The following TMEM233 variants were observed in gnomAD, a reference collection of about 807,000 sequenced individuals.
TMEM233 encodes dispanin subfamily B member 2.
Under a neutral mutation model 11.2 loss-of-function variants are expected in TMEM233, and 6 were observed. That is an observed-to-expected ratio of 0.54 (90% confidence interval 0.29 to 1.06). TMEM233 has a LOEUF of 1.06. Ranked by LOEUF, TMEM233 falls within the 50% of genes least tolerant of loss-of-function variation. The probability of loss-of-function intolerance (pLI) is 0.08; values close to 1 mark genes in which losing one functional copy is unlikely to be tolerated. For missense variants in TMEM233, 127 were observed against 144.7 expected (o/e 0.88, Z 0.63); for synonymous variants, 59 against 55.8 (o/e 1.06, Z -0.26).
intron 1 of TMEM233, among the ~76,000 whole-genome samples, chr12:119,622,846 A>G (rs1421913283): frequency 6.6e-6 from 1 of 152,190 alleles, no homozygotes; most frequent in East Asian, 1.9e-4. Flanking sequence ...AGGAGCTTCC[A>G]CACTTAATAC....
At chr12:119,640,614 A>T in intron 2 of TMEM233, 85 bp from the exon 3 acceptor site, 2 of 1,449,738 alleles carry the variant, frequency 1.4e-6, no homozygotes, top group Non-Finnish European at 9.4e-7. Flanking sequence ...TCATCATCAA[A>T]TAAGGAAGGC....
At chr12:119,604,235 T>C (rs1304644650) in intron 1 of TMEM233, among the ~76,000 whole-genome samples, 1 of 152,222 alleles carries the variant, frequency 6.6e-6, no homozygotes, top group Non-Finnish European at 1.5e-5. Context: ...TGTGTGGTGA[T>C]AACAAATTTT....
chr12:119,608,577 C>T (rs1437050608), intron 1 of TMEM233, among the ~76,000 whole-genome samples: 1 of 152,196 alleles, frequency 6.6e-6, no homozygotes, highest in African/African-American at 2.4e-5. Context: ...CAATCTCTAG[C>T]CCCTGCCGCC....
chr12:119,616,976 C>A (rs2393524), intron 1 of TMEM233, among the ~76,000 whole-genome samples: 54,665 of 152,056 alleles, frequency 0.36, 10,652 homozygotes, highest in African/African-American at 0.47. Context: ...GTCAATTAAA[C>A]CTCTTTCCTT....
chr12:119,599,040 A>T (rs1322274321), intron 1 of TMEM233, among the ~76,000 whole-genome samples: 1 of 152,230 alleles, frequency 6.6e-6, no homozygotes, highest in African/African-American at 2.4e-5. Flanking sequence ...TAAAACAATG[A>T]TCAGTAGTAG....
chr12:119,626,510 A>AG lies in TMEM233; in HGVS notation c.187-3224dup. On this transcript the variant is annotated intron_variant, in intron 1 of 2. Coordinates refer to ENST00000426426, the MANE Select transcript of TMEM233 (RefSeq NM_001136534.3). ...AAGAAGAAAAAGGAGGAGGAGGAGG[A>AG]GGAGGAGGAGAAGGGAGAAGGGAGA... Among the ~76,000 whole-genome samples, 2 of 73,098 alleles carry AG rather than the reference A, an allele frequency of 2.7e-5. 1 individual carries two copies. Among genetic ancestry groups the AG allele is most frequent in the Admixed American group, 2.7e-4 (2 of 7,300 alleles). The allele number at this position is 73,098 out of a possible 152,430, so 48.0% of individuals were successfully genotyped here.
chr12:119,611,273 C>A (rs1201536028), intron 1 of TMEM233, among the ~76,000 whole-genome samples: 1 of 152,148 alleles, frequency 6.6e-6, no homozygotes, highest in African/African-American at 2.4e-5. Context: ...AAAGCACCCA[C>A]ACAATTTTGC....
At chr12:119,615,195 A>C (rs1289914470) in intron 1 of TMEM233, among the ~76,000 whole-genome samples, 15 of 148,746 alleles carry the variant, frequency 1.0e-4, no homozygotes, top group Non-Finnish European at 1.9e-4. Context: ...AAAAAAAAAA[A>C]AAAAAAAAAA....
At chr12:119,649,234 G>A in the TMEM233 span, among the ~76,000 whole-genome samples, 3 of 152,054 alleles carry the variant, frequency 2.0e-5, no homozygotes, top group Non-Finnish European at 4.4e-5. Context: ...GGTGGCGGAG[G>A]TTGCAGTGAG....
chr12:119,596,068 G>A (rs915317605), intron 1 of TMEM233, among the ~76,000 whole-genome samples: 4 of 152,106 alleles, frequency 2.6e-5, no homozygotes, highest in South Asian at 2.1e-4. Flanking sequence ...GGAAGCCGTC[G>A]CATCCGGTTC....
intron 1 of TMEM233, among the ~76,000 whole-genome samples, chr12:119,627,196 A>T (rs1954782836): frequency 1.3e-5 from 2 of 152,192 alleles, no homozygotes; most frequent in African/African-American, 4.8e-5. Context: ...GACCTCATGG[A>T]TTGACCTTCT....
intron 1 of TMEM233, among the ~76,000 whole-genome samples, chr12:119,607,813 T>C (rs924024660): frequency 4.6e-5 from 7 of 151,966 alleles, no homozygotes; most frequent in East Asian, 3.9e-4. Flanking sequence ...TCCAAACTCC[T>C]GAGCTCAGGA....
chr12:119,629,101 G>A (rs937855015), intron 1 of TMEM233, among the ~76,000 whole-genome samples: 3 of 152,282 alleles, frequency 2.0e-5, no homozygotes, highest in Middle Eastern at 3.4e-3. Flanking sequence ...TATTGCACTG[G>A]ACACTGGTAT....
intron 2 of TMEM233, among the ~76,000 whole-genome samples, chr12:119,639,074 C>T (rs774248944): frequency 6.6e-5 from 10 of 152,082 alleles, no homozygotes; most frequent in Non-Finnish European, 1.2e-4. Context: ...GGCCTCTGCA[C>T]TTGCCGTTCC....
At position 119,594,326 on chromosome 12, in the gene TMEM233, G is replaced by C; in HGVS notation, c.186+292G>C. On this transcript the variant is annotated intron_variant, in intron 1 of 2. Coordinates refer to ENST00000426426, the MANE Select transcript of TMEM233 (RefSeq NM_001136534.3). This position sits in a 1 kb window ranked among gnomAD's most constrained non-coding sequence, Gnocchi z 5.6. The stretch of plus-strand genomic sequence containing the variant: ...AGGGTGCGTTTCCTCTCCAACCCGG[G>C]GAAGTTCTTCCGTGGACTTTGCTGA... 1.0e-5 allele frequency: 4 copies of C among 390,134 alleles called. No individual in the cohort carries two copies. The South Asian group carries it at 1.5e-4, about 15-fold the overall frequency. The allele number at this position is 390,134 out of a possible 1,614,324, so 24.2% of individuals were successfully genotyped here. A position where few individuals can be genotyped will look rare whatever the true frequency, so the allele number is the denominator to read the frequency against.
chr12:119,629,992 GT>G, intron 2 of TMEM233, 120 bp downstream of exon 2: 1 of 1,165,088 alleles, frequency 8.6e-7, no homozygotes, highest in African/African-American at 1.6e-5. Flanking sequence ...GGGTTTTCAT[GT>G]TTTCTTCTCA....
chr12:119,613,618 A>T (rs1259289407), intron 1 of TMEM233, among the ~76,000 whole-genome samples: 1 of 152,210 alleles, frequency 6.6e-6, no homozygotes, highest in Non-Finnish European at 1.5e-5. Context: ...GTCTGAGACC[A>T]GCCTGGGCAA....
intron 1 of TMEM233, among the ~76,000 whole-genome samples, chr12:119,620,287 A>G (rs7978341): frequency 0.76 from 115,353 of 152,100 alleles, 43,952 homozygotes; most frequent in Middle Eastern, 0.85. Flanking sequence ...CAATGATGTC[A>G]GGGAAAGAGC....
chr12:119,603,380 A>G (rs932390033), intron 1 of TMEM233, among the ~76,000 whole-genome samples: 1 of 152,236 alleles, frequency 6.6e-6, no homozygotes, highest in Non-Finnish European at 1.5e-5. Flanking sequence ...CAGCTATTAA[A>G]TGAGTTGGCC....
Sources: gnomAD v4.1 joint callset for allele counts (sites outside exome capture counted in the v4.1 genomes callset) on GRCh38, gnomAD v4.1.1 for gene constraint, Gnocchi (gnomAD v3.1) non-coding constraint, MANE v1.5 for transcripts, NCBI Gene and HGNC (gene_info 2026-07-23, HGNC 2026-07-21) for gene names.